The following NFATC1 variants were observed in gnomAD, a reference collection of about 807,000 sequenced individuals.
NFATC1 encodes the protein nuclear factor of activated T cells 1, also known as nuclear factor of activated T-cells, cytoplasmic 1.
Under a neutral mutation model 76.0 loss-of-function variants are expected in NFATC1, and 22 were observed. The ratio of observed to expected loss-of-function variants is 0.29; its 90% CI spans 0.21 to 0.41. NFATC1 has a LOEUF of 0.41. NFATC1 is among the 10% of genes least tolerant of loss of function. NFATC1 has a pLI of 1.00. For synonymous variants in NFATC1, 704 were observed against 613.1 expected (o/e 1.15, Z -2.19); for missense variants, 1,357 against 1,337.7 (o/e 1.01, Z -0.23).
At chr18:79,422,052 T>C (rs2086111925) in intron 2 of NFATC1, 1 of 152,214 alleles carries the variant, frequency 6.6e-6, no homozygotes, top group Admixed American at 6.5e-5. Context: ...GCTCCAAGTA[T>C]TACCCGTGAA....
At chr18:79,454,877 C>T (rs1007035395) in intron 6 of NFATC1, among the ~76,000 whole-genome samples, 3 of 152,112 alleles carry the variant, frequency 2.0e-5, no homozygotes, top group Admixed American at 1.3e-4. Context: ...CACCCACACC[C>T]CTCCCCACCT....
chr18:79,468,067 T>C, intron 8 of NFATC1: 1 of 874,268 alleles, frequency 1.1e-6, no homozygotes, highest in Non-Finnish European at 1.4e-6. Context: ...CCGAGACACT[T>C]CTCCAGGGGT....
At chr18:79,455,423 C>G (rs868752945) in intron 6 of NFATC1, among the ~76,000 whole-genome samples, 2 of 152,194 alleles carry the variant, frequency 1.3e-5, no homozygotes, top group African/African-American at 4.8e-5. Flanking sequence ...TCTACGTGGC[C>G]TCCCGGGGCC....
Position 79,465,149 on chromosome 18 carries a change from G to A in NFATC1, c.1960-2301G>A, listed in dbSNP as rs547411109. 2.0e-5 allele frequency among the ~76,000 whole-genome samples: 3 copies of A among 152,186 alleles called. No individual in the cohort carries two copies. The highest frequency in any genetic ancestry group is 1.9e-4 in the East Asian group (1 of 5,182). ...GCCATTTGGAACCCGTATTTTTTCC[G>A]GTACAGACGAGTTTCCCTCTCCCTT... On this transcript the variant is annotated intron_variant, in intron 7 of 9. Transcript: ENST00000427363. The surrounding 1 kb of genome is among the most constrained non-coding windows in gnomAD (Gnocchi z 4.2).
In NFATC1 at chr18:79,411,085, C is replaced by T. The variant is rs1469241242; in HGVS notation, c.810C>T (p.Leu270=). 2.5e-6 allele frequency: 4 copies of T among 1,612,006 alleles called. No homozygotes were observed. The South Asian group carries it at 3.3e-5, about 13-fold the overall frequency. The change falls in exon 2 of 10, where the codon CTC becomes CTT. Residue 270 remains leucine (L), a synonymous_variant. Transcript: ENST00000427363. ...ASPCNKRKYS[L]NGRQPPYSPH... ...CTTGCAACAAGAGGAAGTACAGCCTCAACGGCCGGCAGCCGCCCTACTCAC... is the reference window on the plus strand; with the variant it reads ...CTTGCAACAAGAGGAAGTACAGCCTTAACGGCCGGCAGCCGCCCTACTCAC...
At chr18:79,431,387 T>G (rs1025686431) in intron 2 of NFATC1, among the ~76,000 whole-genome samples, 2 of 152,172 alleles carry the variant, frequency 1.3e-5, no homozygotes, top group African/African-American at 4.8e-5. Context: ...GACAGAGTCT[T>G]GCCCTGTCGC....
chr18:79,496,701 G>A (rs1465322817), intron 9 of NFATC1: 1 of 152,298 alleles, frequency 6.6e-6, no homozygotes. Context: ...CACTCCTGAG[G>A]TCGCACATCC....
intron 2 of NFATC1, among the ~76,000 whole-genome samples, chr18:79,424,903 A>G (rs146914252): frequency 5.5e-5 from 4 of 73,280 alleles, no homozygotes; most frequent in African/African-American, 1.9e-4. Context: ...CTGTTTCTCC[A>G]TTTCTCTGTC....
At chr18:79,402,218 G>A (rs145275782) in intron 1 of NFATC1, 55 of 486,418 alleles carry the variant, frequency 1.1e-4, no homozygotes, top group Non-Finnish European at 1.4e-4. Flanking sequence ...CCGGGAAGAC[G>A]CACAGGAGGC....
intron 8 of NFATC1, among the ~76,000 whole-genome samples, chr18:79,476,195 C>T (rs757092659): frequency 3.3e-5 from 5 of 152,218 alleles, no homozygotes; most frequent in Admixed American, 6.5e-5. Context: ...CTGAGCTTGG[C>T]GACGCCAGCC....
chr18:79,520,659 T>G (rs2090508838), intron 9 of NFATC1, among the ~76,000 whole-genome samples: 1 of 32,566 alleles, frequency 3.1e-5, no homozygotes. Context: ...GGGGGGGGCA[T>G]CCACTGATGT....
intron 2 of NFATC1, among the ~76,000 whole-genome samples, chr18:79,427,809 G>A (rs372937651): frequency 4.0e-5 from 5 of 123,780 alleles, no homozygotes; most frequent in South Asian, 2.9e-4. Flanking sequence ...TGCCCTCTGT[G>A]CAGGGGTCGG....
chr18:79,459,008 C>T (rs2087904557), intron 6 of NFATC1, among the ~76,000 whole-genome samples: 1 of 152,248 alleles, frequency 6.6e-6, no homozygotes, highest in South Asian at 2.1e-4. Context: ...CTGAAACGGC[C>T]ACAGACGTCG....
chr18:79,406,744 G>GC (rs970892772), intron 1 of NFATC1, among the ~76,000 whole-genome samples: 3 of 152,164 alleles, frequency 2.0e-5, no homozygotes, highest in African/African-American at 4.8e-5. Context: ...GGAGCCGCAG[G>GC]CCTGCGCTCG....
chr18:79,503,950 T>A (rs1489671419), intron 9 of NFATC1, among the ~76,000 whole-genome samples: 1 of 152,144 alleles, frequency 6.6e-6, no homozygotes, highest in African/African-American at 2.4e-5. Context: ...GGCTTCAAAC[T>A]TTTTTTTCTG....
intron 9 of NFATC1, among the ~76,000 whole-genome samples, chr18:79,510,632 C>T (rs958880090): frequency 3.9e-5 from 6 of 152,216 alleles, no homozygotes; most frequent in African/African-American, 9.6e-5. Flanking sequence ...GGTTTGAAAC[C>T]CTGAGGATGA....
chr18:79,396,360 C>A lies in NFATC1; in HGVS notation c.127+9C>A, dbSNP rs1568901784. On this transcript the variant is annotated intron_variant, in intron 1 of 9. Coordinates refer to ENST00000427363, the MANE Select transcript of NFATC1 (RefSeq NM_001278669.2). ...GAAGTCAGCGGAGGAAGGTAAGCCC[C>A]GCGCGGCCTCCGCCCCCGGACCCCT... 1.5e-6 allele frequency: 2 copies of A among 1,322,104 alleles called. No homozygotes were observed. The highest frequency in any genetic ancestry group is 1.9e-5 in the South Asian group (1 of 53,608). The allele number at this position is 1,322,104 out of a possible 1,614,324, so 81.9% of individuals were successfully genotyped here. A position where few individuals can be genotyped will look rare whatever the true frequency, so the allele number is the denominator to read the frequency against.
At chr18:79,492,370 C>T (rs932063764) in intron 9 of NFATC1, among the ~76,000 whole-genome samples, 9 of 152,136 alleles carry the variant, frequency 5.9e-5, no homozygotes, top group African/African-American at 2.2e-4. Context: ...CAAGACCAGC[C>T]TGGTCAACAT....
At chr18:79,452,533 T>A (rs574126486) in intron 6 of NFATC1, among the ~76,000 whole-genome samples, 1 of 152,188 alleles carries the variant, frequency 6.6e-6, no homozygotes, top group Admixed American at 6.5e-5. Flanking sequence ...CCCAGGTCAG[T>A]TCCATGCAGA....
Sources: allele counts gnomAD v4.1 joint callset (sites outside exome capture counted in the v4.1 genomes callset), GRCh38; gene constraint gnomAD v4.1.1; non-coding constraint Gnocchi (gnomAD v3.1); transcripts MANE v1.5; gene names NCBI Gene and HGNC (gene_info 2026-07-23, HGNC 2026-07-21).